The following SAMD13 variants were observed in gnomAD, a reference collection of about 807,000 sequenced individuals.
SAMD13 encodes sterile alpha motif domain containing 13.
In SAMD13, 9 loss-of-function variants were observed where a neutral mutation model predicts 12.4. The observed-to-expected ratio is 0.72, with a 90% CI of 0.44 to 1.26. The LOEUF (loss-of-function observed/expected upper bound fraction) is 1.26, where lower values mean the gene tolerates loss of function less well. SAMD13 is among the 50% of genes most tolerant of loss of function. The pLI is 0.00. For synonymous variants in SAMD13, 46 were observed against 45.4 expected, an observed-to-expected ratio of 1.01 and a Z score of -0.05; for missense variants, 84 against 119.6, an observed-to-expected ratio of 0.70 and a Z score of 1.39.
chr1:84,340,781 G>A (rs982168982), intron 3 of SAMD13, among the ~76,000 whole-genome samples: 1 of 152,222 alleles, frequency 6.6e-6, no homozygotes, highest in African/African-American at 2.4e-5. Flanking sequence ...GATGGTTAAT[G>A]TATCATCTTG....
intron 2 of SAMD13, among the ~76,000 whole-genome samples, chr1:84,316,302 A>C (rs774924085): frequency 3.3e-5 from 5 of 152,106 alleles, no homozygotes; most frequent in Non-Finnish European, 5.9e-5. Context: ...GCCAAAACTA[A>C]TGTCTTGAAG....
chr1:84,340,055 A>G (rs1009073055), intron 3 of SAMD13, among the ~76,000 whole-genome samples: 6 of 152,230 alleles, frequency 3.9e-5, no homozygotes, highest in Non-Finnish European at 8.8e-5. Context: ...ACTTAAGCAT[A>G]GCTTTACTGT....
At chr1:84,343,752 G>T (rs1274537437) in intron 3 of SAMD13, among the ~76,000 whole-genome samples, 1 of 152,110 alleles carries the variant, frequency 6.6e-6, no homozygotes, top group Admixed American at 6.6e-5. Context: ...GCTAATGCAT[G>T]CTGGGCTTAA....
At chr1:84,300,598 TTTG>T (rs1678435101), upstream of SAMD13, among the ~76,000 whole-genome samples, 2 of 152,180 alleles carry the variant, frequency 1.3e-5, no homozygotes, top group African/African-American at 2.4e-5. Flanking sequence ...CTTGAGTGGT[TTTG>T]TTGACCATCT....
At chr1:84,314,408 A>C (rs1678785156) in intron 2 of SAMD13, among the ~76,000 whole-genome samples, 1 of 152,186 alleles carries the variant, frequency 6.6e-6, no homozygotes, top group Non-Finnish European at 1.5e-5. Flanking sequence ...TGACTTCAGC[A>C]TTTGTTTATT....
rs1289875667 is a variant in SAMD13 at position 84,320,983 on chromosome 1, A to G, written c.54-4654A>G. Among the ~76,000 whole-genome samples the G allele has an allele frequency of 3.3e-5, 5 of 152,310 alleles. No individual in the cohort carries two copies. The East Asian group carries it at 9.6e-4, about 29-fold the overall frequency. On this transcript the variant is annotated intron_variant, in intron 2 of 3. Coordinates refer to ENST00000394834, the MANE Select transcript of SAMD13 (RefSeq NM_001134663.2). The stretch of plus-strand genomic sequence containing the variant: ...GTACAGATGCTAGATTTAGAAAAAC[A>G]GTTTCAACTATTTTCTGCCTGCCTT...
chr1:84,311,673 C>G (rs1402500797), intron 2 of SAMD13, among the ~76,000 whole-genome samples: 1 of 152,164 alleles, frequency 6.6e-6, no homozygotes, highest in Non-Finnish European at 1.5e-5. Flanking sequence ...AAACACTGGT[C>G]TTTTTGTTTT....
chr1:84,332,452 G>A (rs1171916792), intron 3 of SAMD13, among the ~76,000 whole-genome samples: 4 of 152,040 alleles, frequency 2.6e-5, no homozygotes, highest in South Asian at 2.1e-4. Flanking sequence ...ATGGTGTCTC[G>A]TTGTTTTGAT....
At chr1:84,315,748 A>G (rs1043267850) in intron 2 of SAMD13, among the ~76,000 whole-genome samples, 1 of 152,188 alleles carries the variant, frequency 6.6e-6, no homozygotes, top group African/African-American at 2.4e-5. Flanking sequence ...TGGGATTGCT[A>G]TGTCACATAG....
chr1:84,309,543 G>A (rs1054979281), intron 2 of SAMD13, among the ~76,000 whole-genome samples: 1 of 152,090 alleles, frequency 6.6e-6, no homozygotes, highest in African/African-American at 2.4e-5. Context: ...CTCTGATGTG[G>A]ACCCTTGTTC....
chr1:84,307,476 T>C (rs1041631686), intron 2 of SAMD13, among the ~76,000 whole-genome samples: 1 of 152,172 alleles, frequency 6.6e-6, no homozygotes, highest in Non-Finnish European at 1.5e-5. Context: ...TTAATAACTC[T>C]CTCAATCTCC....
rs534716699 is a variant in SAMD13, at chr1:84,309,393, T to C, written c.53+6106T>C. 3.9e-5 allele frequency among the ~76,000 whole-genome samples: 6 copies of C among 152,320 alleles called. 1 individual carries two copies. Among genetic ancestry groups the C allele is most frequent in the South Asian group, 2.1e-4 (1 of 4,828 alleles). Reference sequence around the variant, plus strand: ...ATTGAGACACATATGTCAGGTCTTCTCATTTCAAATTTGTTGACCTAAATG... The same window carrying C: ...ATTGAGACACATATGTCAGGTCTTCCCATTTCAAATTTGTTGACCTAAATG... On this transcript the variant is annotated intron_variant, in intron 2 of 3. Coordinates refer to ENST00000394834, the MANE Select transcript of SAMD13 (RefSeq NM_001134663.2).
intron 2 of SAMD13, among the ~76,000 whole-genome samples, chr1:84,320,883 G>C (rs1462817753): frequency 6.6e-6 from 1 of 152,112 alleles, no homozygotes; most frequent in Non-Finnish European, 1.5e-5. Context: ...TATTACATGT[G>C]GATTGCATTT....
intron 1 of SAMD13, 76 bp from the exon 2 acceptor site, chr1:84,303,127 T>C (rs747553675): frequency 3.6e-6 from 4 of 1,110,616 alleles, no homozygotes; most frequent in Non-Finnish European, 5.4e-6. Flanking sequence ...GGGACCATTA[T>C]GTTTCCGATT....
In SAMD13 at chr1:84,302,677, G is replaced by A. The variant is rs1434348388; in HGVS notation, c.-32-526G>A. 40 of 985,726 alleles carry A rather than the reference G, an allele frequency of 4.1e-5. No homozygotes were observed. In the Admixed American group the frequency reaches 1.8e-3, roughly 44 times the overall value. The allele number at this position is 985,726 out of a possible 1,614,324, so 61.1% of individuals were successfully genotyped here. A position where few individuals can be genotyped will look rare whatever the true frequency, so the allele number is the denominator to read the frequency against. On this transcript the variant is annotated intron_variant, in intron 1 of 3. Transcript: ENST00000394834. ...TCACAGACGGGTTTTTGAGGCTTTCGTTGAGAATGTGAGGTAGGGGAATAC... is the reference window on the plus strand; with the variant it reads ...TCACAGACGGGTTTTTGAGGCTTTCATTGAGAATGTGAGGTAGGGGAATAC...
At chr1:84,338,036 C>T (rs138517331) in intron 3 of SAMD13, among the ~76,000 whole-genome samples, 64 of 152,306 alleles carry the variant, frequency 4.2e-4, no homozygotes, top group African/African-American at 1.5e-3. Context: ...TCAGCCTATA[C>T]CTTATTGTTC....
chr1:84,299,834 C>G (rs1344759500), upstream of SAMD13, among the ~76,000 whole-genome samples: 3 of 152,030 alleles, frequency 2.0e-5, no homozygotes, highest in Non-Finnish European at 4.4e-5. Flanking sequence ...AAACTTTACT[C>G]TTGTGTAACA....
chr1:84,345,725 T>A (rs1679521021), intron 3 of SAMD13, among the ~76,000 whole-genome samples: 1 of 152,204 alleles, frequency 6.6e-6, no homozygotes, highest in African/African-American at 2.4e-5. Context: ...TCCCACCTAT[T>A]CTTTCTTCCT....
chr1:84,299,566 C>G, upstream of SAMD13: 1 of 1,482,996 alleles, frequency 6.7e-7, no homozygotes, highest in Non-Finnish European at 9.0e-7. Flanking sequence ...ATCACACTCA[C>G]ATACTTTATG....
Sources: allele counts gnomAD v4.1 joint callset (sites outside exome capture counted in the v4.1 genomes callset), GRCh38; gene constraint gnomAD v4.1.1; transcripts MANE v1.5; gene names NCBI Gene and HGNC (gene_info 2026-07-23, HGNC 2026-07-21).